Variants in VIPR1 observed in about 807,000 individuals in gnomAD.
VIPR1 encodes vasoactive intestinal polypeptide receptor 1.
Under a neutral mutation model 58.8 loss-of-function variants are expected in VIPR1, and 59 were observed. The observed-to-expected ratio is 1.00, with a 90% CI of 0.81 to 1.25. The LOEUF (loss-of-function observed/expected upper bound fraction) is 1.25. Among genes scored for constraint, VIPR1 ranks in the 50% most tolerant of loss-of-function variants. VIPR1 has a pLI of 0.00. For synonymous variants in VIPR1, 251 were observed against 242.1 expected (o/e 1.04, Z -0.34); for missense variants, 626 against 602.7 (o/e 1.04, Z -0.40).
chr3:42,531,378 C>T (rs1384320245), intron 7 of VIPR1, 93 bp from the exon 8 acceptor site: 1 of 1,354,164 alleles, frequency 7.4e-7, no homozygotes, highest in Non-Finnish European at 1.0e-6. Context: ...CTCTCCCTCC[C>T]TCTCCCTGCT....
chr3:42,491,759 G>A (rs183460907), intron 1 of VIPR1, among the ~76,000 whole-genome samples: 1 of 152,128 alleles, frequency 6.6e-6, no homozygotes, highest in African/African-American at 2.4e-5. Context: ...ATTTTTAGTA[G>A]AGCTGGGCTT....
intron 9 of VIPR1, 27 bp from the exon 10 acceptor site, chr3:42,532,214 TG>T: frequency 6.2e-7 from 1 of 1,611,308 alleles, no homozygotes; most frequent in African/African-American, 1.3e-5. Context: ...CCGCTCTGAC[TG>T]CCCGAACTCG....
At chr3:42,496,994 A>G (rs997315070) in intron 1 of VIPR1, among the ~76,000 whole-genome samples, 4 of 152,080 alleles carry the variant, frequency 2.6e-5, no homozygotes, top group Non-Finnish European at 5.9e-5. Flanking sequence ...TTTTTAACAC[A>G]CACACTAATC....
exon 1 of VIPR1, chr3:42,489,634 G>A (rs1699631235): frequency 6.6e-6 from 1 of 152,326 alleles, no homozygotes; most frequent in South Asian, 2.1e-4. Context: ...TGCCAGGCTA[G>A]AGCAGCTTGG....
At chr3:42,504,047 AC>A (rs1378533312) in intron 1 of VIPR1, among the ~76,000 whole-genome samples, 3 of 152,034 alleles carry the variant, frequency 2.0e-5, no homozygotes, top group African/African-American at 7.3e-5. Flanking sequence ...CCTCACCTCC[AC>A]CCATGACAGC....
intron 10 of VIPR1, 99 bp downstream of exon 10, chr3:42,532,432 G>A (rs1701621430): frequency 7.8e-7 from 1 of 1,277,246 alleles, no homozygotes; most frequent in African/African-American, 1.5e-5. Context: ...AACATCCAGA[G>A]TCACCAAAGA....
intron 1 of VIPR1, among the ~76,000 whole-genome samples, chr3:42,491,208 T>C (rs72861292): frequency 0.017 from 2,642 of 152,282 alleles, 64 homozygotes; most frequent in African/African-American, 0.059. Flanking sequence ...TGTGTGAATC[T>C]CTGTATTTAA....
intron 1 of VIPR1, among the ~76,000 whole-genome samples, chr3:42,513,110 A>G (rs6796930): frequency 0.029 from 4,424 of 151,418 alleles, 215 homozygotes; most frequent in African/African-American, 0.1. Flanking sequence ...ACTTCCTTAA[A>G]CCTCCCCACC....
chr3:42,513,560 C>G, intron 1 of VIPR1, 189 bp from the exon 2 acceptor site: 1 of 575,670 alleles, frequency 1.7e-6, no homozygotes, highest in Non-Finnish European at 3.0e-6. Context: ...TCCTCGGGGC[C>G]GACCCAGGTT....
At position 42,536,068 on chromosome 3, in the gene VIPR1, T is replaced by A. The variant is rs1227042455; in HGVS notation, c.1183-22T>A. Reference sequence around the variant, plus strand: ...GGAAGAGGCTCCACAGCAGTGGGCCTGACCACCTTCCCCTCTCCTAGGTGC... The same window carrying A: ...GGAAGAGGCTCCACAGCAGTGGGCCAGACCACCTTCCCCTCTCCTAGGTGC... On this transcript the variant is annotated intron_variant, in intron 12 of 12. Coordinates refer to ENST00000325123, the MANE Select transcript of VIPR1 (RefSeq NM_004624.4). 20 of 1,575,260 alleles carry A rather than the reference T, an allele frequency of 1.3e-5. No individual in the cohort carries two copies. The Admixed American group carries it at 2.7e-4, about 21-fold the overall frequency.
chr3:42,509,462 C>T (rs903178433), intron 1 of VIPR1: 1 of 152,330 alleles, frequency 6.6e-6, no homozygotes, highest in Non-Finnish European at 1.5e-5. Context: ...ACCCCCATCA[C>T]CACACCTAGC....
chr3:42,519,543 A>C (rs1172614214), intron 3 of VIPR1: 1 of 457,744 alleles, frequency 2.2e-6, no homozygotes, highest in Non-Finnish European at 3.8e-6. Flanking sequence ...GGAAAGGCTC[A>C]CTAAATATTT....
At chr3:42,491,611 G>A (rs1333535299) in intron 1 of VIPR1, among the ~76,000 whole-genome samples, 1 of 152,076 alleles carries the variant, frequency 6.6e-6, no homozygotes, top group Non-Finnish European at 1.5e-5. Flanking sequence ...GTCTCACTGT[G>A]TCACCCAGGC....
upstream of VIPR1, among the ~76,000 whole-genome samples, chr3:42,499,601 A>T (rs1699828082): frequency 1.3e-5 from 2 of 152,202 alleles, no homozygotes; most frequent in Admixed American, 1.3e-4. Context: ...GAATCCATGC[A>T]AGAAGGACAT....
At chr3:42,530,750 G>T in intron 6 of VIPR1, 29 bp from the exon 7 acceptor site, 1 of 1,610,850 alleles carries the variant, frequency 6.2e-7, no homozygotes, top group Non-Finnish European at 8.5e-7. Flanking sequence ...CAGCCCCAGT[G>T]AACCCCGTCT....
intron 9 of VIPR1, 106 bp downstream of exon 9, chr3:42,531,975 T>C (rs1328362103): frequency 1.5e-6 from 2 of 1,333,904 alleles, no homozygotes; most frequent in Admixed American, 1.9e-5. Context: ...AACTGAAACG[T>C]AGCTTCCTAA....
intron 2 of VIPR1, among the ~76,000 whole-genome samples, chr3:42,517,460 G>A (rs981672292): frequency 2.2e-4 from 34 of 152,262 alleles, no homozygotes; most frequent in Non-Finnish European, 4.3e-4. Flanking sequence ...AGTCCCTCAC[G>A]GGCATGAAGC....
At chr3:42,534,006 G>C (rs1701716131) in intron 10 of VIPR1, 1 of 152,474 alleles carries the variant, frequency 6.6e-6, no homozygotes. Flanking sequence ...ATGAGGTCAG[G>C]TGGCTGGGAG....
At position 42,502,880 on chromosome 3, in the gene VIPR1, G is replaced by A. The variant is rs933156111; in HGVS notation, c.78+67G>A. On this transcript the variant is annotated intron_variant, in intron 1 of 12. Transcript: ENST00000325123. Reference sequence around the variant, plus strand: ...GGTTGCGGAGGGCGGGGGAGGTGGGGGATGGCGGGAGCCGGGCCGTCTGTG... The same window carrying A: ...GGTTGCGGAGGGCGGGGGAGGTGGGAGATGGCGGGAGCCGGGCCGTCTGTG... 99 of 1,162,894 alleles carry A rather than the reference G, an allele frequency of 8.5e-5. 1 individual carries two copies. The highest frequency in any genetic ancestry group is 6.0e-4 in the African/African-American group (38 of 62,842). 72.0% of individuals were successfully genotyped at this position (1,162,894 alleles called of 1,614,324 possible).
Sources: gnomAD v4.1 joint callset for allele counts (sites outside exome capture counted in the v4.1 genomes callset) on GRCh38, gnomAD v4.1.1 for gene constraint, MANE v1.5 for transcripts, NCBI Gene and HGNC (gene_info 2026-07-23, HGNC 2026-07-21) for gene names.